The following NCOA1 variants were observed in gnomAD, a reference collection of about 807,000 sequenced individuals.
The protein encoded by NCOA1 is nuclear receptor coactivator 1, also known as Hin-2 protein.
A neutral mutation model predicts 150.9 loss-of-function variants in NCOA1; 35 were observed. That is an observed-to-expected ratio of 0.23 (90% CI 0.18 to 0.31). The LOEUF is 0.31. NCOA1 is among the 10% of genes least tolerant of loss of function. NCOA1 has a pLI of 1.00. For synonymous variants in NCOA1, 590 were observed against 630.0 expected (o/e 0.94, Z 0.95); for missense variants, 1,491 against 1,749.3 (o/e 0.85, Z 2.63).
chr2:24,703,867 A>G (rs1673286220), intron 11 of NCOA1, among the ~76,000 whole-genome samples: 1 of 152,172 alleles, frequency 6.6e-6, no homozygotes, highest in Non-Finnish European at 1.5e-5. Context: ...GAAAAATTGG[A>G]CTAACATTTT....
At chr2:24,530,908 T>C (rs1664856401) in intron 1 of NCOA1, among the ~76,000 whole-genome samples, 1 of 152,204 alleles carries the variant, frequency 6.6e-6, no homozygotes, top group Non-Finnish European at 1.5e-5. Flanking sequence ...CAGACTTCTT[T>C]ATAGCTCCAT....
At chr2:24,505,511 A>T (rs1205870139) in intron 1 of NCOA1, among the ~76,000 whole-genome samples, 1 of 152,250 alleles carries the variant, frequency 6.6e-6, no homozygotes, top group Non-Finnish European at 1.5e-5. Context: ...ATAATGAACC[A>T]TATAAAATAC....
At chr2:24,712,266 T>A (rs546244101) in intron 14 of NCOA1, among the ~76,000 whole-genome samples, 2 of 152,340 alleles carry the variant, frequency 1.3e-5, no homozygotes, top group East Asian at 3.9e-4. Context: ...GGCTCTAGAC[T>A]GGAATGTCAG....
intron 1 of NCOA1, among the ~76,000 whole-genome samples, chr2:24,556,523 T>C (rs1666081230): frequency 6.6e-6 from 1 of 152,070 alleles, no homozygotes; most frequent in Non-Finnish European, 1.5e-5. Flanking sequence ...CATTGCTGGG[T>C]CAAATTTATA....
intron 11 of NCOA1, among the ~76,000 whole-genome samples, chr2:24,702,832 A>T (rs1159464375): frequency 6.6e-6 from 1 of 152,162 alleles, no homozygotes; most frequent in Non-Finnish European, 1.5e-5. Flanking sequence ...AAACCTTGAA[A>T]CCCACTTAAA....
Position 24,673,402 on chromosome 2 carries a change from A to G in NCOA1, c.293A>G (p.Asp98Gly). The G allele has an allele frequency of 6.3e-7, 1 of 1,589,216 alleles. No individual in the cohort carries two copies. Among genetic ancestry groups the G allele is most frequent in the Non-Finnish European group, 8.5e-7 (1 of 1,171,688 alleles). ...ACTGATGACGATGTACAGAAATCAG[A>G]CATCTCATCAAGTAGTCAAGGAGTG... ...STTDDDVQKS[D>G]ISSSSQGVIE... The change falls in exon 7 of 23, where the codon GAC becomes GGC. Residue 98 changes from aspartate (D) to glycine (G), a missense_variant. By Grantham distance (94) the Asp-to-Gly change is moderately conservative. Transcript: ENST00000348332.
chr2:24,544,547 G>T (rs1044125608), intron 1 of NCOA1, among the ~76,000 whole-genome samples: 2 of 152,136 alleles, frequency 1.3e-5, no homozygotes, highest in South Asian at 4.1e-4. Flanking sequence ...TTTGAGACCA[G>T]CCTGGGCAAC....
intron 1 of NCOA1, among the ~76,000 whole-genome samples, chr2:24,496,196 A>G (rs146983113): frequency 3.9e-5 from 6 of 152,368 alleles, no homozygotes; most frequent in African/African-American, 1.4e-4. Context: ...TGTCCTACAC[A>G]TAATGCTGAA....
intron 1 of NCOA1, among the ~76,000 whole-genome samples, chr2:24,517,487 A>G (rs776425132): frequency 6.6e-6 from 1 of 151,996 alleles, no homozygotes; most frequent in Non-Finnish European, 1.5e-5. Flanking sequence ...CTCAGGGTTT[A>G]TGTCTGCGAG....
intron 20 of NCOA1, among the ~76,000 whole-genome samples, chr2:24,754,168 T>C (rs1664386554): frequency 1.3e-5 from 2 of 152,178 alleles, no homozygotes; most frequent in Admixed American, 1.3e-4. Flanking sequence ...CCCTGGGCCA[T>C]TCCAGTAGCT....
chr2:24,498,181 A>T (rs1663304334), intron 1 of NCOA1, among the ~76,000 whole-genome samples: 1 of 152,196 alleles, frequency 6.6e-6, no homozygotes, highest in African/African-American at 2.4e-5. Context: ...GCAATGTCTA[A>T]TATCTCCCTC....
At chr2:24,547,635 A>G (rs1665654691) in intron 1 of NCOA1, among the ~76,000 whole-genome samples, 1 of 152,192 alleles carries the variant, frequency 6.6e-6, no homozygotes, top group East Asian at 1.9e-4. Context: ...TTGCAAATGC[A>G]TAATCAGTGA....
intron 19 of NCOA1, among the ~76,000 whole-genome samples, chr2:24,742,852 G>A (rs1291785869): frequency 6.6e-6 from 1 of 152,086 alleles, no homozygotes; most frequent in African/African-American, 2.4e-5. Flanking sequence ...TTTTGTTTTT[G>A]CCAGTTTGCA....
chr2:24,745,455 C>T (rs1419677587), intron 19 of NCOA1, among the ~76,000 whole-genome samples: 1 of 152,160 alleles, frequency 6.6e-6, no homozygotes, highest in East Asian at 1.9e-4. Flanking sequence ...AGCCACCGTG[C>T]CTGGCCAGAA....
intron 3 of NCOA1, among the ~76,000 whole-genome samples, chr2:24,589,597 T>A (rs927163283): frequency 3.3e-5 from 5 of 151,718 alleles, no homozygotes; most frequent in African/African-American, 4.8e-5. Context: ...CCAGCTTCTG[T>A]TGAGTAGGCA....
intron 3 of NCOA1, among the ~76,000 whole-genome samples, chr2:24,620,588 A>G (rs1316542911): frequency 6.6e-6 from 1 of 152,202 alleles, no homozygotes; most frequent in Non-Finnish European, 1.5e-5. Context: ...CAGCTTGGGC[A>G]GCAAGAGCGA....
Position 24,706,957 on chromosome 2 carries a change from G to A in NCOA1, c.1487G>A (p.Gly496Glu). Residue 496 changes from glycine (G) to glutamate (E), a missense_variant, in exon 13 of 23, where the codon GGA becomes GAA. Around this residue, in one of 8 missense-constraint regions of NCOA1, gnomAD observed 703 missense variants for 717.7 expected, o/e 0.98. Transcript: ENST00000348332. ...TCTCCAAGGAGACAGGTTACTTCTG[G>A]ATTGGCAACAAGGCCCAGGATGCCA... is the stretch of plus-strand genomic sequence containing the variant. The part of the protein sequence containing the change: ...FMSPRRQVTS[G>E]LATRPRMPNN... 6.2e-7 allele frequency: 1 copy of A among 1,614,132 alleles called. No individual in the cohort carries two copies. The highest frequency in any genetic ancestry group is 8.5e-7 in the Non-Finnish European group (1 of 1,180,020).
chr2:24,580,056 TG>T (rs1667137152), intron 2 of NCOA1, among the ~76,000 whole-genome samples: 1 of 152,230 alleles, frequency 6.6e-6, no homozygotes, highest in Non-Finnish European at 1.5e-5. Flanking sequence ...TAAAAAATGT[TG>T]TGCCACTTCT....
intron 3 of NCOA1, among the ~76,000 whole-genome samples, chr2:24,617,180 G>C (rs1337637608): frequency 6.6e-6 from 1 of 152,146 alleles, no homozygotes; most frequent in Admixed American, 6.5e-5. Flanking sequence ...TGGTGTTGTT[G>C]GGGTATGTTG....
Sources: gnomAD v4.1 joint callset for allele counts (sites outside exome capture counted in the v4.1 genomes callset) on GRCh38, gnomAD v4.1.1 for gene constraint, gnomAD v4.1.1 regional missense constraint, MANE v1.5 for transcripts, NCBI Gene and HGNC (gene_info 2026-07-23, HGNC 2026-07-21) for gene names.